The following KREMEN1 variants were observed in gnomAD, a reference collection of about 807,000 sequenced individuals.
KREMEN1 encodes the protein kringle containing transmembrane protein 1.
Under a neutral mutation model 46.5 loss-of-function variants are expected in KREMEN1, and 30 were observed. The ratio of observed to expected loss-of-function variants is 0.65; its 90% CI spans 0.48 to 0.88. The LOEUF is 0.88. Ranked by LOEUF, KREMEN1 falls within the 40% of genes least tolerant of loss-of-function variation. KREMEN1 has a pLI of 0.00. For synonymous variants in KREMEN1, 214 were observed against 230.6 expected (o/e 0.93, Z 0.65); for missense variants, 533 against 596.9 (o/e 0.89, Z 1.11).
downstream of KREMEN1, among the ~76,000 whole-genome samples, chr22:29,150,839 C>T (rs1210128325): frequency 6.6e-6 from 1 of 152,162 alleles, no homozygotes; most frequent in African/African-American, 2.4e-5. Context: ...CAGACATTAC[C>T]GAATTCATCT....
chr22:29,103,396 G>A (rs2038004472), intron 3 of KREMEN1, among the ~76,000 whole-genome samples: 1 of 151,964 alleles, frequency 6.6e-6, no homozygotes, highest in African/African-American at 2.4e-5. Flanking sequence ...CAAGCAGGAG[G>A]CAGACCTGAA....
rs1196930418 is a variant in KREMEN1, at chr22:29,142,018, T to G, written c.1283T>G (p.Ile428Ser). ...GGGACTTCGGGGGAAATCTGGAGCA[T>G]TTTTTACAAGCCTTCCACTTCAATT... The part of the protein sequence containing the change: ...QPGTSGEIWS[I>S]FYKPSTSISI... Residue 428 changes from isoleucine (I) to serine (S), a missense_variant, in exon 9 of 9, where the codon ATT becomes AGT. Ile to Ser is a moderately radical substitution (Grantham distance 142, BLOSUM62 -2). Transcript: ENST00000400335. The G allele has an allele frequency of 8.1e-6, 13 of 1,613,278 alleles. No homozygotes were observed. The highest frequency in any genetic ancestry group is 1.0e-5 in the Non-Finnish European group (12 of 1,179,650).
intron 9 of KREMEN1, among the ~76,000 whole-genome samples, chr22:29,165,837 T>C (rs899057301): frequency 7.2e-5 from 11 of 152,174 alleles, no homozygotes; most frequent in Admixed American, 5.2e-4. Context: ...CTAGGGGGAC[T>C]TGCATCTTCT....
intron 1 of KREMEN1, among the ~76,000 whole-genome samples, chr22:29,075,666 T>C (rs2037556842): frequency 6.6e-6 from 1 of 152,242 alleles, no homozygotes; most frequent in East Asian, 1.9e-4. Context: ...GTCTAGATCC[T>C]ACTCACTAGC....
chr22:29,113,012 G>A (rs1296004933), intron 3 of KREMEN1, among the ~76,000 whole-genome samples: 1 of 152,234 alleles, frequency 6.6e-6, no homozygotes, highest in Non-Finnish European at 1.5e-5. Flanking sequence ...TGAACAGAGT[G>A]TTGAGGGACT....
intron 4 of KREMEN1, 134 bp downstream of exon 4, chr22:29,121,615 A>G: frequency 9.6e-7 from 1 of 1,037,924 alleles, no homozygotes; most frequent in Non-Finnish European, 1.4e-6. Flanking sequence ...TTCCACTTAC[A>G]TGAATTGTCT....
In KREMEN1 at chr22:29,142,870, C is replaced by G; in HGVS notation, c.*758C>G. ...TTGGTCATATAAAACATCCATTCAG[C>G]TGGGCGCGATGGCTCATGCCTGTAA... is the stretch of plus-strand genomic sequence containing the variant. On this transcript the variant is annotated 3_prime_UTR_variant, in exon 9 of 9. Transcript: ENST00000400335. The G allele has an allele frequency of 1.0e-6, 1 of 985,456 alleles. No individual in the cohort carries two copies. The highest frequency in any genetic ancestry group is 1.1e-4 in the East Asian group (1 of 8,818). The allele number at this position is 985,456 out of a possible 1,614,324, so 61.0% of individuals were successfully genotyped here.
chr22:29,121,485 A>T lies in KREMEN1; in HGVS notation c.477+4A>T, dbSNP rs2038356115. ...TTGTCGGAGTCAGAGGTTCAAGGTGATGACTCTGTGGCTGTGTAACTATAG... is the reference window on the plus strand; with the variant it reads ...TTGTCGGAGTCAGAGGTTCAAGGTGTTGACTCTGTGGCTGTGTAACTATAG... On this transcript the variant is annotated splice_donor_region_variant and intron_variant, in intron 4 of 8. Transcript: ENST00000400335. The T allele has an allele frequency of 6.2e-7, 1 of 1,613,966 alleles. No individual in the cohort carries two copies. The highest frequency in any genetic ancestry group is 8.5e-7 in the Non-Finnish European group (1 of 1,179,840).
intron 3 of KREMEN1, among the ~76,000 whole-genome samples, chr22:29,115,437 A>AT (rs1345259785): frequency 1.0e-5 from 1 of 97,032 alleles, no homozygotes; most frequent in African/African-American, 5.4e-5. Context: ...TATGGAAATA[A>AT]AAAAAAAAAA....
chr22:29,092,992 A>T (rs1367896586), intron 1 of KREMEN1, among the ~76,000 whole-genome samples: 1 of 152,094 alleles, frequency 6.6e-6, no homozygotes, highest in African/African-American at 2.4e-5. Context: ...AAAATAATAA[A>T]AAATAAATTC....
intron 3 of KREMEN1, among the ~76,000 whole-genome samples, chr22:29,120,379 T>G (rs1228502406): frequency 2.1e-4 from 20 of 97,192 alleles, no homozygotes; most frequent in Admixed American, 3.6e-4. Context: ...GAGGGAGAGG[T>G]GATAATGGAA....
intron 3 of KREMEN1, among the ~76,000 whole-genome samples, chr22:29,118,719 T>A (rs4823013): frequency 0.36 from 55,132 of 151,696 alleles, 11,503 homozygotes; most frequent in East Asian, 0.66. Flanking sequence ...ATATTGGGAA[T>A]TCAGGCTTCA....
intron 4 of KREMEN1, among the ~76,000 whole-genome samples, 195 bp downstream of exon 4, chr22:29,121,676 G>T (rs1271936388): frequency 6.6e-6 from 1 of 152,166 alleles, no homozygotes; most frequent in Non-Finnish European, 1.5e-5. Flanking sequence ...TTGCCAGAGG[G>T]TGGGAAGCGG....
intron 9 of KREMEN1, among the ~76,000 whole-genome samples, chr22:29,152,524 G>A (rs1446472849): frequency 6.6e-6 from 1 of 152,186 alleles, no homozygotes; most frequent in African/African-American, 2.4e-5. Flanking sequence ...AGTCCTGTGA[G>A]ACGGGCGAGG....
chr22:29,158,235 G>A (rs1049836729), intron 9 of KREMEN1, among the ~76,000 whole-genome samples: 1 of 152,266 alleles, frequency 6.6e-6, no homozygotes, highest in East Asian at 1.9e-4. Flanking sequence ...GGTTCCTCAC[G>A]TGCAGCCAGC....
At chr22:29,094,885 A>C (rs112954594) in intron 2 of KREMEN1, among the ~76,000 whole-genome samples, 13,072 of 151,956 alleles carry the variant, frequency 0.086, 823 homozygotes, top group African/African-American at 0.17. Context: ...CAGCCTCCCA[A>C]AGTGCTGGGG....
At position 29,167,457 on chromosome 22, in the gene KREMEN1, A is replaced by T. The variant is rs17524046; in HGVS notation, c.*351A>T. The stretch of plus-strand genomic sequence containing the variant: ...AGGACCGAGAGTGACATCCAGTTGC[A>T]CCTTTCTCACCTACTTTGGGACCTT... On this transcript the variant is annotated 3_prime_UTR_variant, in exon 10 of 10. Transcript: ENST00000327813. 375 of 220,118 alleles carry T rather than the reference A, an allele frequency of 1.7e-3. 1 individual carries two copies. Among genetic ancestry groups the T allele is most frequent in the Non-Finnish European group, 2.6e-3 (291 of 110,400 alleles). The allele number at this position is 220,118 out of a possible 1,614,324, so 13.6% of individuals were successfully genotyped here.
At chr22:29,084,328 C>G (rs1240727543) in intron 1 of KREMEN1, among the ~76,000 whole-genome samples, 3 of 63,696 alleles carry the variant, frequency 4.7e-5, no homozygotes, top group Non-Finnish European at 8.7e-5. Context: ...AATGCCTAAA[C>G]TGGGATGTAT....
At chr22:29,161,967 A>G (rs558269181) in intron 9 of KREMEN1, among the ~76,000 whole-genome samples, 1 of 152,020 alleles carries the variant, frequency 6.6e-6, no homozygotes, top group East Asian at 1.9e-4. Context: ...AATACAAAAA[A>G]ATTAGCCAGG....
Sources: allele counts gnomAD v4.1 joint callset (sites outside exome capture counted in the v4.1 genomes callset), GRCh38; gene constraint gnomAD v4.1.1; transcripts MANE v1.5; gene names NCBI Gene and HGNC (gene_info 2026-07-23, HGNC 2026-07-21).